The following XAGE3 variants were observed in gnomAD, a reference collection of about 807,000 sequenced individuals.
The protein encoded by XAGE3 is X antigen family member 3, also known as CT12.3.
A neutral mutation model predicts 9.2 loss-of-function variants in XAGE3; 6 were observed. The observed-to-expected ratio is 0.65, with a 90% CI of 0.36 to 1.29. The LOEUF is 1.29. Ranked by LOEUF, XAGE3 falls within the 50% of genes most tolerant of loss-of-function variation. XAGE3 has a pLI of 0.03. For missense variants in XAGE3, 70 were observed against 82.8 expected (o/e 0.85, Z 0.60); for synonymous variants, 26 against 28.2 (o/e 0.92, Z 0.25).
intron 4 of XAGE3, 130 bp downstream of exon 4, chrX:52,864,645 G>A (rs1411548636): frequency 2.4e-6 from 2 of 841,488 alleles, no homozygotes; most frequent in Non-Finnish European, 3.4e-6. Flanking sequence ...TCAGGCAATT[G>A]GGGTCTGAAC....
chrX:52,866,453 T>C lies in XAGE3; in HGVS notation c.167A>G (p.Gln56Arg). 8.3e-7 allele frequency: 1 copy of C among 1,210,848 alleles called. No individual in the cohort carries two copies. Among genetic ancestry groups the C allele is most frequent in the Non-Finnish European group, 1.1e-6 (1 of 895,031 alleles). ...PAPGQEREED[Q>R]GAAETQVPDL... ...AGCACCTTGAGTCTCAGCTGCACCC[T>C]GATCTTCTTCTCTCTCCTGACCAGG... Residue 56 changes from glutamine (Q) to arginine (R), a missense_variant, in exon 3 of 5, where the codon CAG (glutamine) becomes CGG (arginine). Coordinates refer to ENST00000346279, the MANE Select transcript of XAGE3 (RefSeq NM_133179.3).
intron 4 of XAGE3, among the ~76,000 whole-genome samples, chrX:52,863,790 A>C (rs782500484): frequency 8.9e-6 from 1 of 111,794 alleles, no homozygotes; most frequent in South Asian, 3.7e-4. Context: ...TAAATGTATT[A>C]CTTTTGGATT....
intron 3 of XAGE3, 68 bp downstream of exon 3, chrX:52,866,365 A>G (rs1927884423): frequency 9.6e-7 from 1 of 1,041,881 alleles, no homozygotes; most frequent in Admixed American, 2.2e-5. Flanking sequence ...TGGTCATGGC[A>G]TAAGGCATGA....
At chrX:52,864,525 T>C (rs782652165) in intron 4 of XAGE3, among the ~76,000 whole-genome samples, 2 of 111,686 alleles carry the variant, frequency 1.8e-5, no homozygotes, top group Non-Finnish European at 3.8e-5. Context: ...TATCTGAAAA[T>C]TGTTAGTTGT....
chrX:52,865,676 A>G (rs1244113832), intron 3 of XAGE3, among the ~76,000 whole-genome samples: 2 of 112,085 alleles, frequency 1.8e-5, no homozygotes, highest in Admixed American at 9.5e-5. Context: ...CCTGTATGCC[A>G]ATGTCCTGAA....
Position 52,866,486 on chromosome X carries a change from T to A in XAGE3, c.134A>T (p.Asp45Val), listed in dbSNP as rs782107834. 2.5e-6 allele frequency: 3 copies of A among 1,211,282 alleles called. No homozygotes were observed. Among genetic ancestry groups the A allele is most frequent in the Non-Finnish European group, 3.4e-6 (3 of 895,390 alleles). ...TTCTCTCTCCTGACCAGGTGCAGGA[T>A]CCCGACTTTCAGTTGGTGGTTCCTC... ...QQEEPPTESRDPAPGQEREED... is the reference protein window; with the variant it reads ...QQEEPPTESRVPAPGQEREED... The change falls in exon 3 of 5, where the codon GAT (aspartate) becomes GTT (valine). Residue 45 changes from aspartate to valine, a missense_variant. Asp to Val is a radical substitution (Grantham distance 152). Coordinates refer to ENST00000346279, the MANE Select transcript of XAGE3 (RefSeq NM_133179.3).
chrX:52,866,704 T>C (rs782814869), intron 2 of XAGE3, among the ~76,000 whole-genome samples, 166 bp from the exon 3 acceptor site: 1 of 112,710 alleles, frequency 8.9e-6, no homozygotes, highest in Non-Finnish European at 1.9e-5. Flanking sequence ...ATAAAGTTAC[T>C]CTTCCCACAG....
intron 4 of XAGE3, 111 bp downstream of exon 4, chrX:52,864,663 CA>C: frequency 1.9e-6 from 2 of 1,034,588 alleles, no homozygotes; most frequent in Non-Finnish European, 2.7e-6. Context: ...AACAACCTTT[CA>C]AAAAAAGTCT....
intron 1 of XAGE3, among the ~76,000 whole-genome samples, 160 bp downstream of exon 1, chrX:52,867,846 G>T (rs1187157171): frequency 3.6e-5 from 4 of 110,906 alleles, no homozygotes; most frequent in Non-Finnish European, 7.6e-5. Flanking sequence ...CCACAACAAG[G>T]CCCATGGCAG....
chrX:52,863,522 TTCCCACACTCTTTG>T (rs1395492723), intron 4 of XAGE3, among the ~76,000 whole-genome samples: 1 of 112,158 alleles, frequency 8.9e-6, no homozygotes. Flanking sequence ...TTCAGAAGTT[TTCCCACACTCTTTG>T]TGATGCTTAG....
At chrX:52,866,191 A>G (rs1489223335) in intron 3 of XAGE3, among the ~76,000 whole-genome samples, 1 of 112,126 alleles carries the variant, frequency 8.9e-6, no homozygotes, top group Non-Finnish European at 1.9e-5. Flanking sequence ...AAACAGTTTC[A>G]TCTGATTTAG....
At position 52,862,609 on chromosome X, in the gene XAGE3, T is replaced by C; in HGVS notation, c.*9A>G. On this transcript the variant is annotated 3_prime_UTR_variant, in exon 5 of 5. Transcript: ENST00000346279. ...AAAACAGTTTTGTGTTGTTTCAGCT[T>C]GTCTTCATTTAAACCTGTGGTTGCC... 1 of 1,210,780 alleles carries C rather than the reference T, an allele frequency of 8.3e-7. No individual in the cohort carries two copies. The highest frequency in any genetic ancestry group is 2.3e-4 in the Middle Eastern group (1 of 4,349).
intron 4 of XAGE3, among the ~76,000 whole-genome samples, chrX:52,864,555 G>T (rs781948964): frequency 8.9e-6 from 1 of 112,044 alleles, no homozygotes; most frequent in East Asian, 2.8e-4. Flanking sequence ...TCAGAAGTAA[G>T]AATATGCTTT....
At chrX:52,866,575 G>GTA in intron 2 of XAGE3, 37 bp from the exon 3 acceptor site, 1 of 1,109,002 alleles carries the variant, frequency 9.0e-7, no homozygotes, top group Middle Eastern at 2.6e-4. Context: ...GTGTGTGTGT[G>GTA]CAGATAAAAA....
intron 1 of XAGE3, 44 bp from the exon 2 acceptor site, chrX:52,867,185 C>T (rs782778617): frequency 1.4e-5 from 15 of 1,079,854 alleles, no homozygotes; most frequent in Non-Finnish European, 1.9e-5. Context: ...CTTGAAAAGA[C>T]AGCTATATTT....
chrX:52,866,532 C>T lies in XAGE3; in HGVS notation c.88G>A (p.Gly30Ser), dbSNP rs368718593. Residue 30 changes from glycine to serine, a missense_variant, in exon 3 of 5, where the codon GGT becomes AGT. Coordinates refer to ENST00000346279, the MANE Select transcript of XAGE3 (RefSeq NM_133179.3). ...PELIGPMLEP[G>S]DEEPQQEEPP... ...TCCTCTTGCTGAGGCTCCTCATCAC[C>T]GGGCTCCTGGAACCAGGGGTGTGTG... The T allele has an allele frequency of 1.7e-5, 21 of 1,207,027 alleles. No homozygotes were observed. Among genetic ancestry groups the T allele is most frequent in the East Asian group, 8.9e-5 (3 of 33,736 alleles).
intron 4 of XAGE3, among the ~76,000 whole-genome samples, 190 bp downstream of exon 4, chrX:52,864,585 T>A (rs782126455): frequency 8.9e-6 from 1 of 112,477 alleles, no homozygotes; most frequent in Admixed American, 9.4e-5. Flanking sequence ...TGATTCAATG[T>A]GGGTTTGACC....
chrX:52,865,367 C>A (rs782163994), intron 3 of XAGE3, among the ~76,000 whole-genome samples: 1 of 111,062 alleles, frequency 9.0e-6, no homozygotes, highest in African/African-American at 3.3e-5. Flanking sequence ...ATAAATGAAT[C>A]CCATTCACAA....
At chrX:52,863,399 C>T (rs782113209) in intron 4 of XAGE3, among the ~76,000 whole-genome samples, 7 of 111,068 alleles carry the variant, frequency 6.3e-5, no homozygotes, top group Non-Finnish European at 9.5e-5. Flanking sequence ...CATGAATAGT[C>T]GGGCAAAAAA....
Sources: gnomAD v4.1 joint callset for allele counts (sites outside exome capture counted in the v4.1 genomes callset) on GRCh38, gnomAD v4.1.1 for gene constraint, MANE v1.5 for transcripts, NCBI Gene and HGNC (gene_info 2026-07-23, HGNC 2026-07-21) for gene names.